Variants in ROBO2 observed in about 807,000 individuals in gnomAD.
ROBO2 encodes roundabout guidance receptor 2.
ROBO2 carries 53 observed loss-of-function variants against 160.8 expected under a neutral mutation model. That is an observed-to-expected ratio of 0.33 (90% CI 0.26 to 0.41). The LOEUF (loss-of-function observed/expected upper bound fraction) is 0.41, where lower values mean the gene tolerates loss of function less well. Ranked by LOEUF, ROBO2 falls within the 10% of genes least tolerant of loss-of-function variation. The probability of loss-of-function intolerance (pLI) is 1.00; values close to 1 mark genes in which losing one functional copy is unlikely to be tolerated. For missense variants in ROBO2, 1,577 were observed against 1,722.4 expected (o/e 0.92, Z 1.49); for synonymous variants, 664 against 611.7 (o/e 1.09, Z -1.26).
intron 21 of ROBO2, among the ~76,000 whole-genome samples, chr3:77,615,547 G>A (rs1033775720): frequency 7.9e-5 from 12 of 152,068 alleles, no homozygotes; most frequent in Non-Finnish European, 1.5e-4. Flanking sequence ...TCCTGTCTCC[G>A]TAGCGTTGAC....
chr3:76,738,668 A>C (rs904686868), intron 2 of ROBO2, among the ~76,000 whole-genome samples: 1 of 152,188 alleles, frequency 6.6e-6, no homozygotes, highest in South Asian at 2.1e-4. Flanking sequence ...TGATAAACAC[A>C]GTTTAAATTG....
At chr3:77,518,827 T>C (rs1356695961) in intron 5 of ROBO2, among the ~76,000 whole-genome samples, 1 of 151,538 alleles carries the variant, frequency 6.6e-6, no homozygotes, top group East Asian at 1.9e-4. Flanking sequence ...GGCACTGTTA[T>C]AGGCTAGACC....
At chr3:77,376,782 G>A (rs980816132) in intron 2 of ROBO2, among the ~76,000 whole-genome samples, 4 of 152,152 alleles carry the variant, frequency 2.6e-5, no homozygotes, top group African/African-American at 9.7e-5. Flanking sequence ...CTAGCAGAGG[G>A]CTGGGCTCAA....
chr3:76,449,667 T>C (rs1332127013), intron 2 of ROBO2, among the ~76,000 whole-genome samples: 1 of 152,166 alleles, frequency 6.6e-6, no homozygotes, highest in Non-Finnish European at 1.5e-5. Flanking sequence ...AAGCAGTGTT[T>C]AAGTGTTTTG....
At chr3:76,349,507 G>A (rs1053065010) in intron 2 of ROBO2, among the ~76,000 whole-genome samples, 8 of 152,042 alleles carry the variant, frequency 5.3e-5, no homozygotes. Context: ...GTTATTTGTT[G>A]ACAAAGTCTG....
chr3:76,750,851 G>A (rs896888615), intron 2 of ROBO2, among the ~76,000 whole-genome samples: 12 of 152,134 alleles, frequency 7.9e-5, no homozygotes, highest in African/African-American at 1.7e-4. Context: ...ACTCAATATC[G>A]TGAAAATGGC....
At chr3:76,749,183 T>C (rs962404546) in intron 2 of ROBO2, among the ~76,000 whole-genome samples, 1 of 151,910 alleles carries the variant, frequency 6.6e-6, no homozygotes, top group African/African-American at 2.4e-5. Flanking sequence ...GTTTAGATTA[T>C]GTATCATTCT....
At chr3:76,717,135 C>A (rs1284971007) in intron 2 of ROBO2, among the ~76,000 whole-genome samples, 2 of 152,116 alleles carry the variant, frequency 1.3e-5, no homozygotes, top group Non-Finnish European at 2.9e-5. Context: ...GTTTTCATTC[C>A]TAACTCTATA....
At chr3:76,427,816 T>G (rs2076280454) in intron 2 of ROBO2, among the ~76,000 whole-genome samples, 1 of 152,178 alleles carries the variant, frequency 6.6e-6, no homozygotes, top group African/African-American at 2.4e-5. Context: ...TTTTTCAGAT[T>G]TCTTCCAAGA....
At chr3:76,647,067 GC>G (rs1412462693) in intron 2 of ROBO2, among the ~76,000 whole-genome samples, 1 of 152,218 alleles carries the variant, frequency 6.6e-6, no homozygotes, top group Non-Finnish European at 1.5e-5. Context: ...AAAGGGGAGG[GC>G]CCTATGACGC....
At chr3:76,581,988 T>C (rs1215401840) in intron 2 of ROBO2, among the ~76,000 whole-genome samples, 2 of 152,076 alleles carry the variant, frequency 1.3e-5, no homozygotes, top group Non-Finnish European at 1.5e-5. Context: ...TAGAACTGAA[T>C]TGAGTCATTC....
intron 2 of ROBO2, among the ~76,000 whole-genome samples, chr3:76,089,039 A>C (rs1413839448): frequency 1.3e-5 from 2 of 152,058 alleles, no homozygotes; most frequent in Non-Finnish European, 2.9e-5. Context: ...CATCAAAAGG[A>C]TAAAGAATAT....
At chr3:76,479,459 A>G (rs2079098919) in intron 2 of ROBO2, among the ~76,000 whole-genome samples, 2 of 152,156 alleles carry the variant, frequency 1.3e-5, no homozygotes, top group African/African-American at 4.8e-5. Flanking sequence ...ATGTAAATGG[A>G]CTAAATACAT....
chr3:76,714,666 A>C (rs2093351650), intron 2 of ROBO2, among the ~76,000 whole-genome samples: 1 of 152,130 alleles, frequency 6.6e-6, no homozygotes, highest in Admixed American at 6.5e-5. Context: ...TCTTTGCTGG[A>C]CTCAACACAT....
At chr3:77,099,684 C>G (rs1159803699) in intron 2 of ROBO2, among the ~76,000 whole-genome samples, 1 of 152,084 alleles carries the variant, frequency 6.6e-6, no homozygotes, top group Non-Finnish European at 1.5e-5. Flanking sequence ...GGAAACTTTT[C>G]AAACATATTG....
intron 2 of ROBO2, among the ~76,000 whole-genome samples, chr3:76,859,790 C>T (rs1322034269): frequency 2.0e-5 from 3 of 152,196 alleles, no homozygotes; most frequent in Non-Finnish European, 4.4e-5. Flanking sequence ...TAACCATTCT[C>T]TCTCTAGCAG....
chr3:77,569,612 T>C (rs1159676703), intron 13 of ROBO2, among the ~76,000 whole-genome samples: 2 of 152,040 alleles, frequency 1.3e-5, no homozygotes, highest in Non-Finnish European at 2.9e-5. Flanking sequence ...ACAAATGCCT[T>C]ATCAGATACG....
At chr3:76,167,102 G>A (rs1317492293) in intron 2 of ROBO2, among the ~76,000 whole-genome samples, 6 of 152,028 alleles carry the variant, frequency 3.9e-5, no homozygotes, top group Admixed American at 2.0e-4. Context: ...CACCACGCCC[G>A]GTTAATTTTT....
chr3:76,504,096 A>C (rs1453395589), intron 2 of ROBO2, among the ~76,000 whole-genome samples: 1 of 152,238 alleles, frequency 6.6e-6, no homozygotes, highest in Non-Finnish European at 1.5e-5. Flanking sequence ...CTAACCTAGC[A>C]AACGACAATG....
Sources: gnomAD v4.1 joint callset for allele counts (sites outside exome capture counted in the v4.1 genomes callset) on GRCh38, gnomAD v4.1.1 for gene constraint, MANE v1.5 for transcripts, NCBI Gene and HGNC (gene_info 2026-07-23, HGNC 2026-07-21) for gene names.